The following ATXN1 variants were observed in gnomAD, a reference collection of about 807,000 sequenced individuals.
ATXN1 encodes the protein ataxin-1.
Under a neutral mutation model 56.4 loss-of-function variants are expected in ATXN1, and 8 were observed. The observed-to-expected ratio is 0.14, with a 90% CI of 0.08 to 0.26. The LOEUF is 0.26. Ranked by LOEUF, ATXN1 falls within the 10% of genes least tolerant of loss-of-function variation. The pLI, the probability that ATXN1 is intolerant of heterozygous loss-of-function variation, is 1.00. For missense variants in ATXN1, 987 were observed against 1,106.5 expected (o/e 0.89, Z 1.53); for synonymous variants, 514 against 494.6 (o/e 1.04, Z -0.52).
intron 5 of ATXN1, among the ~76,000 whole-genome samples, chr6:16,496,214 T>C (rs1760779108): frequency 1.3e-5 from 2 of 152,156 alleles, no homozygotes; most frequent in African/African-American, 4.8e-5. Context: ...AAAACTTCTC[T>C]TTTTTTGGAG....
intron 2 of ATXN1, among the ~76,000 whole-genome samples, chr6:16,748,181 T>G (rs951416949): frequency 6.6e-6 from 1 of 152,108 alleles, no homozygotes; most frequent in Non-Finnish European, 1.5e-5. Flanking sequence ...CTCAAGGAGA[T>G]ATGAGTAAGA....
At chr6:16,501,050 CT>C (rs1321827495) in intron 5 of ATXN1, among the ~76,000 whole-genome samples, 3 of 152,166 alleles carry the variant, frequency 2.0e-5, no homozygotes, top group African/African-American at 7.2e-5. Context: ...TTTCATGTCA[CT>C]TTTTTCTCTT....
At chr6:16,361,818 C>T (rs1761813903) in intron 6 of ATXN1, among the ~76,000 whole-genome samples, 1 of 152,188 alleles carries the variant, frequency 6.6e-6, no homozygotes, top group African/African-American at 2.4e-5. Flanking sequence ...TGAGGCCAGC[C>T]TTGACTGAGG....
At chr6:16,443,887 A>C (rs894913379) in intron 6 of ATXN1, among the ~76,000 whole-genome samples, 10 of 152,206 alleles carry the variant, frequency 6.6e-5, no homozygotes, top group East Asian at 3.9e-4. Flanking sequence ...GAGGCCAAGG[A>C]GGGCCGATCA....
chr6:16,717,129 A>G (rs538960583), intron 2 of ATXN1, among the ~76,000 whole-genome samples: 54 of 152,360 alleles, frequency 3.5e-4, no homozygotes, highest in African/African-American at 1.2e-3. Context: ...CCAGCACCTG[A>G]TGAAATATAG....
intron 2 of ATXN1, among the ~76,000 whole-genome samples, chr6:16,685,387 G>A (rs1482084899): frequency 6.6e-6 from 1 of 152,092 alleles, no homozygotes; most frequent in African/African-American, 2.4e-5. Context: ...TTTCTGGGGA[G>A]GAACAAATGA....
chr6:16,596,601 T>C (rs972006707), intron 3 of ATXN1, among the ~76,000 whole-genome samples: 1 of 152,224 alleles, frequency 6.6e-6, no homozygotes, highest in African/African-American at 2.4e-5. Flanking sequence ...ACTTAGATTA[T>C]CCTTTCAGGA....
At chr6:16,389,390 A>G (rs1758307817) in intron 6 of ATXN1, among the ~76,000 whole-genome samples, 1 of 152,012 alleles carries the variant, frequency 6.6e-6, no homozygotes, top group Non-Finnish European at 1.5e-5. Flanking sequence ...ATCCCTTGGT[A>G]GCAAATATAC....
intron 2 of ATXN1, among the ~76,000 whole-genome samples, chr6:16,675,462 C>T (rs567855999): frequency 1.6e-4 from 24 of 152,106 alleles, no homozygotes; most frequent in South Asian, 1.2e-3. Context: ...AAAATTAAAA[C>T]GAAGGGTGGA....
intron 3 of ATXN1, among the ~76,000 whole-genome samples, chr6:16,603,207 G>A (rs925647614): frequency 6.6e-5 from 10 of 152,220 alleles, no homozygotes; most frequent in Admixed American, 2.0e-4. Context: ...CGAGCCAGGC[G>A]TCCGCTAAAG....
chr6:16,602,184 G>A (rs1762923729), intron 3 of ATXN1, among the ~76,000 whole-genome samples: 1 of 152,060 alleles, frequency 6.6e-6, no homozygotes, highest in South Asian at 2.1e-4. Flanking sequence ...TTCATCTGTA[G>A]GATCCTTCCC....
At chr6:16,705,027 G>A (rs765706035) in intron 2 of ATXN1, among the ~76,000 whole-genome samples, 6 of 152,128 alleles carry the variant, frequency 3.9e-5, no homozygotes, top group Non-Finnish European at 8.8e-5. Context: ...GCAGAGATTG[G>A]ACCCAGTGAT....
At chr6:16,609,325 G>A (rs1002947888) in intron 3 of ATXN1, among the ~76,000 whole-genome samples, 6 of 152,204 alleles carry the variant, frequency 3.9e-5, no homozygotes, top group Non-Finnish European at 7.3e-5. Flanking sequence ...GCCATCTGGT[G>A]GGATGTGAGA....
intron 3 of ATXN1, among the ~76,000 whole-genome samples, chr6:16,647,903 C>T (rs1763828205): frequency 6.6e-6 from 1 of 152,086 alleles, no homozygotes; most frequent in South Asian, 2.1e-4. Context: ...CGGTGAGACC[C>T]CCTCTCTACT....
intron 4 of ATXN1, among the ~76,000 whole-genome samples, chr6:16,558,500 G>A (rs969763883): frequency 1.8e-4 from 27 of 151,816 alleles, no homozygotes; most frequent in Non-Finnish European, 2.9e-4. Context: ...TCAGCCTCCC[G>A]AGTACAAACA....
intron 5 of ATXN1, among the ~76,000 whole-genome samples, chr6:16,520,033 G>C (rs1383271931): frequency 6.6e-6 from 1 of 152,220 alleles, no homozygotes; most frequent in Non-Finnish European, 1.5e-5. Flanking sequence ...TTTTCTGGCA[G>C]CACAGTCACG....
chr6:16,607,292 G>A (rs1329381219), intron 3 of ATXN1, among the ~76,000 whole-genome samples: 1 of 152,204 alleles, frequency 6.6e-6, no homozygotes, highest in Non-Finnish European at 1.5e-5. Context: ...GTTGGCGTAA[G>A]GGACCTCTCC....
chr6:16,416,516 A>C (rs1758912367), intron 6 of ATXN1, among the ~76,000 whole-genome samples: 1 of 152,268 alleles, frequency 6.6e-6, no homozygotes, highest in African/African-American at 2.4e-5. Context: ...GTGAGGACCT[A>C]ATCAGACAAT....
chr6:16,411,140 A>AAG (rs1554144604), intron 6 of ATXN1, among the ~76,000 whole-genome samples: 5 of 151,156 alleles, frequency 3.3e-5, no homozygotes, highest in Non-Finnish European at 7.4e-5. Context: ...AAAAAAAAAA[A>AAG]AAAAAGAAAA....
Sources: gnomAD v4.1 joint callset for allele counts (sites outside exome capture counted in the v4.1 genomes callset) on GRCh38, gnomAD v4.1.1 for gene constraint, MANE v1.5 for transcripts, NCBI Gene and HGNC (gene_info 2026-07-23, HGNC 2026-07-21) for gene names.